FRMD4A: variants seen among roughly 807,000 people sequenced by gnomAD.
FRMD4A encodes FERM domain containing 4A, also known as FERM domain-containing protein 4A.
In FRMD4A, 29 loss-of-function variants were observed where a neutral mutation model predicts 129.1. The observed-to-expected ratio is 0.22, with a 90% CI of 0.17 to 0.31. FRMD4A has a LOEUF of 0.31. FRMD4A is among the 10% of genes least tolerant of loss of function. FRMD4A has a pLI of 1.00. For synonymous variants in FRMD4A, 634 were observed against 571.6 expected (o/e 1.11, Z -1.56); for missense variants, 1,272 against 1,375.8 (o/e 0.92, Z 1.19).
In FRMD4A at chr10:13,675,869, G is replaced by C. The variant is rs2083937128; in HGVS notation, c.1118-825C>G. The C allele has an allele frequency of 2.6e-5, 4 of 151,896 alleles. No homozygotes were observed. In the South Asian group the frequency reaches 8.3e-4, roughly 32 times the overall value. The allele number at this position is 151,896 out of a possible 1,614,324, so 9.4% of individuals were successfully genotyped here. A position where few individuals can be genotyped will look rare whatever the true frequency, so the allele number is the denominator to read the frequency against. On this transcript the variant is annotated intron_variant, in intron 15 of 24. Transcript: ENST00000357447. ...TAACCATTGCTATGCATTTTCTTTT[G>C]GCCTTTTTTCTAAGTACATATATTT... is the stretch of plus-strand genomic sequence containing the variant.
intron 2 of FRMD4A, among the ~76,000 whole-genome samples, chr10:14,185,927 T>C (rs1026029064): frequency 3.3e-5 from 5 of 152,102 alleles, no homozygotes; most frequent in Admixed American, 6.5e-5. Context: ...ACTGCAAAGA[T>C]GGCAGCTGGA....
At chr10:13,852,337 A>G (rs577151482) in intron 3 of FRMD4A, among the ~76,000 whole-genome samples, 75 of 151,672 alleles carry the variant, frequency 4.9e-4, no homozygotes, top group Middle Eastern at 3.4e-3. Context: ...TCCACCTCCC[A>G]GGTTCAAGTG....
intron 2 of FRMD4A, among the ~76,000 whole-genome samples, chr10:13,970,817 T>C (rs1588627855): frequency 1.3e-5 from 2 of 152,348 alleles, no homozygotes; most frequent in Admixed American, 6.5e-5. Context: ...GACTGATAGC[T>C]GGAGAAAGCA....
chr10:14,058,054 G>A (rs771940824), intron 2 of FRMD4A, among the ~76,000 whole-genome samples: 1 of 152,196 alleles, frequency 6.6e-6, no homozygotes, highest in South Asian at 2.1e-4. Flanking sequence ...TCCCACCCAG[G>A]CCTTCCAGGG....
intron 2 of FRMD4A, among the ~76,000 whole-genome samples, chr10:14,172,881 T>A (rs1331353490): frequency 6.6e-6 from 1 of 152,224 alleles, no homozygotes; most frequent in Non-Finnish European, 1.5e-5. Context: ...AACTCTCACT[T>A]GAGGCTATCC....
chr10:14,183,510 C>T (rs1474180819), intron 2 of FRMD4A, among the ~76,000 whole-genome samples: 1 of 150,824 alleles, frequency 6.6e-6, no homozygotes, highest in African/African-American at 2.5e-5. Flanking sequence ...ATCTTCATAG[C>T]TCTAAGGAGT....
At chr10:13,668,028 T>G (rs559372826) in intron 17 of FRMD4A, 14 of 152,334 alleles carry the variant, frequency 9.2e-5, no homozygotes, top group African/African-American at 2.6e-4. Flanking sequence ...TCCTTGCCTC[T>G]GGGCACAATG....
At chr10:13,809,571 G>A (rs59443904) in intron 4 of FRMD4A, among the ~76,000 whole-genome samples, 2,479 of 152,274 alleles carry the variant, frequency 0.016, 56 homozygotes, top group African/African-American at 0.054. Flanking sequence ...ACCTTTCCCA[G>A]CTGGGCTTAC....
At chr10:13,873,720 T>C (rs975704124) in intron 2 of FRMD4A, among the ~76,000 whole-genome samples, 5 of 151,920 alleles carry the variant, frequency 3.3e-5, no homozygotes, top group Non-Finnish European at 5.9e-5. Flanking sequence ...CTAATTTTTG[T>C]ATTTTTAGTA....
At chr10:14,170,640 A>T (rs1235045498) in intron 2 of FRMD4A, among the ~76,000 whole-genome samples, 1 of 152,192 alleles carries the variant, frequency 6.6e-6, no homozygotes, top group Non-Finnish European at 1.5e-5. Flanking sequence ...CGAAATAGTT[A>T]ATCAACTTTT....
rs75591720 is a variant in FRMD4A, at chr10:14,326,673, A to G, written c.45+3385T>C. 7.6e-3 allele frequency: 3,001 copies of G among 396,200 alleles called. 67 individuals are homozygous for G. Among genetic ancestry groups the G allele is most frequent in the African/African-American group, 0.055 (2,692 of 48,678 alleles). The allele number at this position is 396,200 out of a possible 1,614,324, so 24.5% of individuals were successfully genotyped here. A position where few individuals can be genotyped will look rare whatever the true frequency, so the allele number is the denominator to read the frequency against. On this transcript the variant is annotated intron_variant, in intron 2 of 24. Coordinates refer to ENST00000357447, the MANE Select transcript of FRMD4A (RefSeq NM_018027.5). ...ATAACACCCTTGAAGCCCCTTGGTT[A>G]TTCATCCTTATCCTGGCTCTAAAGA...
chr10:13,881,954 T>C (rs1055036126), intron 2 of FRMD4A, among the ~76,000 whole-genome samples: 1 of 149,654 alleles, frequency 6.7e-6, no homozygotes, highest in African/African-American at 2.5e-5. Context: ...AAGGCTGAAG[T>C]CCAGATGAGG....
At chr10:13,846,595 C>G (rs1239737626) in intron 3 of FRMD4A, among the ~76,000 whole-genome samples, 4 of 152,180 alleles carry the variant, frequency 2.6e-5, no homozygotes, top group Non-Finnish European at 4.4e-5. Context: ...ATGCAACTCC[C>G]TGCAATTGTA....
At chr10:14,144,871 A>G (rs1292202963) in intron 2 of FRMD4A, among the ~76,000 whole-genome samples, 1 of 152,190 alleles carries the variant, frequency 6.6e-6, no homozygotes, top group Admixed American at 6.5e-5. Flanking sequence ...ACTTGGGGTC[A>G]AGAGGAGTTT....
chr10:13,892,319 G>T (rs989090079), intron 2 of FRMD4A, among the ~76,000 whole-genome samples: 1 of 152,096 alleles, frequency 6.6e-6, no homozygotes, highest in Non-Finnish European at 1.5e-5. Flanking sequence ...CAATTGTATT[G>T]AATTTTAATC....
At chr10:13,760,615 C>T (rs1357499955) in intron 8 of FRMD4A, among the ~76,000 whole-genome samples, 3 of 152,152 alleles carry the variant, frequency 2.0e-5, no homozygotes. Context: ...AAACCAGTGA[C>T]AAAGACAGCC....
rs368351989 is a variant in FRMD4A at position 14,262,130 on chromosome 10, G to A, written c.45+67928C>T. ...TGATTGATAAATGTAAAGAGTTCGG[G>A]GAAAACCCATCTTCGAGCGGCAAAA... On this transcript the variant is annotated intron_variant, in intron 2 of 24. Transcript: ENST00000357447. 2.0e-5 allele frequency among the ~76,000 whole-genome samples: 3 copies of A among 152,158 alleles called. No individual in the cohort carries two copies. In the South Asian group the frequency reaches 6.2e-4, roughly 32 times the overall value.
intron 2 of FRMD4A, among the ~76,000 whole-genome samples, chr10:13,939,499 T>C (rs2131305517): frequency 6.6e-6 from 1 of 152,348 alleles, no homozygotes; most frequent in African/African-American, 2.4e-5. Context: ...GGCTAGTTCC[T>C]GGCTCTTTAG....
At chr10:13,679,486 C>A (rs1214177823) in intron 15 of FRMD4A, among the ~76,000 whole-genome samples, 1 of 116,520 alleles carries the variant, frequency 8.6e-6, no homozygotes. Flanking sequence ...CACACACACA[C>A]ACACACACAC....
Sources: gnomAD v4.1 joint callset for allele counts (sites outside exome capture counted in the v4.1 genomes callset) on GRCh38, gnomAD v4.1.1 for gene constraint, MANE v1.5 for transcripts, NCBI Gene and HGNC (gene_info 2026-07-23, HGNC 2026-07-21) for gene names.